The following RSU1 variants were observed in gnomAD, a reference collection of about 807,000 sequenced individuals.
The protein encoded by RSU1 is rsu-1.
Under a neutral mutation model 31.1 loss-of-function variants are expected in RSU1, and 26 were observed. That is an observed-to-expected ratio of 0.84 (90% CI 0.61 to 1.16). The LOEUF (loss-of-function observed/expected upper bound fraction) is 1.16. RSU1 is among the 50% of genes most tolerant of loss of function. The pLI, the probability that RSU1 is intolerant of heterozygous loss-of-function variation, is 0.00. For missense variants in RSU1, 320 were observed against 339.1 expected (o/e 0.94, Z 0.44); for synonymous variants, 164 against 136.3 (o/e 1.20, Z -1.41).
chr10:16,725,356 G>C (rs1156755843), intron 7 of RSU1, among the ~76,000 whole-genome samples: 1 of 152,106 alleles, frequency 6.6e-6, no homozygotes, highest in Non-Finnish European at 1.5e-5. Flanking sequence ...TCCAGTAAAA[G>C]AAAAGGTGAC....
chr10:16,760,742 T>TC (rs1231362239), intron 4 of RSU1, among the ~76,000 whole-genome samples: 2 of 151,830 alleles, frequency 1.3e-5, no homozygotes, highest in African/African-American at 2.4e-5. Context: ...TCATATAAAA[T>TC]CCCCCCCACC....
At chr10:16,662,095 G>C (rs118056005) in intron 8 of RSU1, among the ~76,000 whole-genome samples, 1 of 152,170 alleles carries the variant, frequency 6.6e-6, no homozygotes, top group African/African-American at 2.4e-5. Context: ...GTTAAAATTA[G>C]TTGACCATAC....
chr10:16,786,128 C>G (rs997051419), intron 2 of RSU1, among the ~76,000 whole-genome samples: 1 of 152,192 alleles, frequency 6.6e-6, no homozygotes, highest in Admixed American at 6.5e-5. Flanking sequence ...GCCAGGGATG[C>G]TGACACACAT....
chr10:16,627,762 CA>C (rs74962434), intron 8 of RSU1, among the ~76,000 whole-genome samples: 796 of 67,566 alleles, frequency 0.012, 2 homozygotes, highest in South Asian at 0.03. Flanking sequence ...CATCTCAATA[CA>C]AAAAAAAAAA....
chr10:16,798,754 C>T (rs1271347709), intron 2 of RSU1, among the ~76,000 whole-genome samples: 1 of 152,056 alleles, frequency 6.6e-6, no homozygotes, highest in Non-Finnish European at 1.5e-5. Flanking sequence ...ACCAGAATGA[C>T]CTACGCCCTA....
chr10:16,787,878 C>G (rs1027607426), intron 2 of RSU1, among the ~76,000 whole-genome samples: 5 of 152,150 alleles, frequency 3.3e-5, no homozygotes, highest in African/African-American at 1.2e-4. Flanking sequence ...GGCTTTAGGA[C>G]TGAATTGTTA....
chr10:16,724,867 A>G (rs1216158038), intron 7 of RSU1, among the ~76,000 whole-genome samples: 1 of 152,250 alleles, frequency 6.6e-6, no homozygotes, highest in Non-Finnish European at 1.5e-5. Flanking sequence ...ATACTGCTCT[A>G]TGCAACAATC....
intron 3 of RSU1, among the ~76,000 whole-genome samples, chr10:16,780,101 C>A (rs1837620455): frequency 6.6e-6 from 1 of 152,176 alleles, no homozygotes; most frequent in Non-Finnish European, 1.5e-5. Context: ...ATATGCTCCT[C>A]TAAATTAACC....
At chr10:16,632,234 A>C (rs1250960418) in intron 8 of RSU1, among the ~76,000 whole-genome samples, 1 of 152,188 alleles carries the variant, frequency 6.6e-6, no homozygotes, top group Non-Finnish European at 1.5e-5. Context: ...AACCAAAGCA[A>C]ACCCCTATGA....
intron 8 of RSU1, among the ~76,000 whole-genome samples, chr10:16,690,048 C>T (rs1835513462): frequency 6.6e-6 from 1 of 152,118 alleles, no homozygotes; most frequent in Admixed American, 6.5e-5. Context: ...AGTTGGTATC[C>T]ACGTTCCTTG....
At chr10:16,728,524 A>T (rs1836441295) in intron 7 of RSU1, among the ~76,000 whole-genome samples, 1 of 152,224 alleles carries the variant, frequency 6.6e-6, no homozygotes, top group Non-Finnish European at 1.5e-5. Flanking sequence ...AACCACTTTC[A>T]CAAACGCAAC....
intron 8 of RSU1, among the ~76,000 whole-genome samples, chr10:16,657,420 C>T (rs763258799): frequency 6.6e-6 from 1 of 150,500 alleles, no homozygotes; most frequent in Non-Finnish European, 1.5e-5. Flanking sequence ...TATTTGGATA[C>T]TAAGAATTTA....
At chr10:16,658,374 T>C (rs118090027) in intron 8 of RSU1, among the ~76,000 whole-genome samples, 1 of 152,294 alleles carries the variant, frequency 6.6e-6, no homozygotes, top group East Asian at 1.9e-4. Flanking sequence ...CTTGAAAATA[T>C]AAAGCACATC....
At chr10:16,730,532 C>T (rs1020907820) in intron 7 of RSU1, among the ~76,000 whole-genome samples, 2 of 152,064 alleles carry the variant, frequency 1.3e-5, no homozygotes, top group African/African-American at 4.8e-5. Flanking sequence ...CCCAGCTGAC[C>T]CCACATTCAG....
intron 7 of RSU1, among the ~76,000 whole-genome samples, chr10:16,734,702 T>C (rs189665943): frequency 2.0e-5 from 3 of 152,272 alleles, no homozygotes; most frequent in African/African-American, 7.2e-5. Context: ...TGCAACAGTA[T>C]CACAGGATAT....
At position 16,802,254 on chromosome 10, in the gene RSU1, T is replaced by G. The variant is rs540978970; in HGVS notation, c.109+14719A>C. On this transcript the variant is annotated intron_variant, in intron 2 of 8. Transcript: ENST00000345264. ...ATGAAAGAAGGGCCATTACTACTGA[T>G]TTCATGGATGTTAAAGGGATAATAA... Among the ~76,000 whole-genome samples, 26 of 150,548 alleles carry G rather than the reference T, an allele frequency of 1.7e-4. No homozygotes were observed. The South Asian group carries it at 5.2e-3, about 30-fold the overall frequency.
intron 8 of RSU1, among the ~76,000 whole-genome samples, chr10:16,608,638 G>C (rs544075705): frequency 1.1e-4 from 16 of 152,210 alleles, no homozygotes; most frequent in South Asian, 1.0e-3. Flanking sequence ...TTAGGAGCAA[G>C]TGAACACCTG....
chr10:16,637,988 T>C (rs536861964), intron 8 of RSU1, among the ~76,000 whole-genome samples: 2 of 152,164 alleles, frequency 1.3e-5, no homozygotes, highest in Non-Finnish European at 2.9e-5. Context: ...AAAATCATCA[T>C]CTGTTGCATT....
At chr10:16,780,965 C>T (rs1837636650) in intron 3 of RSU1, among the ~76,000 whole-genome samples, 1 of 152,210 alleles carries the variant, frequency 6.6e-6, no homozygotes, top group Non-Finnish European at 1.5e-5. Flanking sequence ...GTTTCTTGCA[C>T]ATGAGGGGAC....
Sources: allele counts gnomAD v4.1 joint callset (sites outside exome capture counted in the v4.1 genomes callset), GRCh38; gene constraint gnomAD v4.1.1; transcripts MANE v1.5; gene names NCBI Gene and HGNC (gene_info 2026-07-23, HGNC 2026-07-21).